IL6R: variants seen among roughly 807,000 people sequenced by gnomAD.
IL6R encodes the protein interleukin 6 receptor.
In IL6R, 38 loss-of-function variants were observed where a neutral mutation model predicts 48.3. That is an observed-to-expected ratio of 0.79 (90% CI 0.61 to 1.03). The LOEUF is 1.03. IL6R is among the 50% of genes least tolerant of loss of function. IL6R has a pLI of 0.00. For missense variants in IL6R, 534 were observed against 618.3 expected (o/e 0.86, Z 1.45); for synonymous variants, 264 against 256.2 (o/e 1.03, Z -0.29).
chr1:154,413,255 C>T (rs917246890), intron 1 of IL6R, among the ~76,000 whole-genome samples: 1 of 152,248 alleles, frequency 6.6e-6, no homozygotes, highest in East Asian at 1.9e-4. Flanking sequence ...CCACCTTGGC[C>T]TCCCAAAGTG....
chr1:154,416,156 G>A (rs1688335426), intron 1 of IL6R, among the ~76,000 whole-genome samples: 1 of 151,792 alleles, frequency 6.6e-6, no homozygotes, highest in Admixed American at 6.6e-5. Flanking sequence ...TAGAGGAAGG[G>A]TCTCACTCTG....
At chr1:154,423,644 G>A (rs888804584) in intron 1 of IL6R, among the ~76,000 whole-genome samples, 1 of 152,180 alleles carries the variant, frequency 6.6e-6, no homozygotes, top group African/African-American at 2.4e-5. Context: ...AGTTAACACA[G>A]TGTTGTTCGC....
rs1335235050 is a variant in IL6R, at chr1:154,430,519, A to G, written c.371A>G (p.Lys124Arg). 6.2e-7 allele frequency: 1 copy of G among 1,613,996 alleles called. No individual in the cohort carries two copies. The highest frequency in any genetic ancestry group is 1.3e-5 in the African/African-American group (1 of 75,016). ...GAGCCCCAGCTCTCCTGCTTCCGGA[A>G]GAGCCCCCTCAGCAATGTTGTTTGT... ...PEEPQLSCFR[K>R]SPLSNVVCEW... Residue 124 changes from lysine to arginine, a missense_variant, in exon 3 of 10, where the codon AAG becomes AGG. Transcript: ENST00000368485.
At chr1:154,449,767 T>A in intron 7 of IL6R, 144 bp from the exon 8 acceptor site, 1 of 653,606 alleles carries the variant, frequency 1.5e-6, no homozygotes, top group Non-Finnish European at 2.8e-6. Flanking sequence ...TATTATTGAT[T>A]TTTCCACTGT....
intron 9 of IL6R, among the ~76,000 whole-genome samples, chr1:154,455,932 C>CTACCA (rs1198567288): frequency 1.3e-5 from 2 of 151,932 alleles, no homozygotes; most frequent in African/African-American, 4.8e-5. Flanking sequence ...TAGTGCTTGA[C>CTACCA]TGTAATCCCA....
intron 1 of IL6R, among the ~76,000 whole-genome samples, chr1:154,424,194 G>T (rs1688847025): frequency 1.3e-5 from 2 of 152,200 alleles, no homozygotes. Context: ...TTTTGGTGCC[G>T]AGACCCTGTC....
At position 154,405,580 on chromosome 1, in the gene IL6R, T is replaced by G. The variant is rs1339656293; in HGVS notation, c.-50T>G. 7 of 1,071,796 alleles carry G rather than the reference T, an allele frequency of 6.5e-6. No homozygotes were observed. Among genetic ancestry groups the G allele is most frequent in the Non-Finnish European group, 8.5e-6 (7 of 825,688 alleles). The allele number at this position is 1,071,796 out of a possible 1,614,324, so 66.4% of individuals were successfully genotyped here. ...TGCCACCCCTGCCGCCCGGTTCCCA[T>G]TAGCCTGTCCGCCTCTGCGGGACCA... On this transcript the variant is annotated 5_prime_UTR_variant, in exon 1 of 10. Coordinates refer to ENST00000368485, the MANE Select transcript of IL6R (RefSeq NM_000565.4). This position sits in a 1 kb window ranked among gnomAD's most constrained non-coding sequence, Gnocchi z 5.2.
chr1:154,467,915 T>C lies in IL6R; in HGVS notation c.*2535T>C, dbSNP rs12566788. On this transcript the variant is annotated 3_prime_UTR_variant, in exon 10 of 10. Transcript: ENST00000368485. ...GTGCCCACAGTTCTTCAATTCTTTA[T>C]ACCGTTTTACCCACATGTGGTGTTA... 1 of 152,196 alleles carries C rather than the reference T, an allele frequency of 6.6e-6. No homozygotes were observed. The highest frequency in any genetic ancestry group is 2.1e-4 in the South Asian group (1 of 4,830). The allele number at this position is 152,196 out of a possible 1,614,324, so 9.4% of individuals were successfully genotyped here.
At chr1:154,441,654 G>A (rs751931102) in intron 6 of IL6R, among the ~76,000 whole-genome samples, 39 of 152,248 alleles carry the variant, frequency 2.6e-4, no homozygotes, top group East Asian at 7.7e-4. Flanking sequence ...TATGGACCAC[G>A]GTTATTTGGC....
chr1:154,414,892 T>C (rs1273638267), intron 1 of IL6R: 4 of 832,854 alleles, frequency 4.8e-6, no homozygotes, highest in South Asian at 4.3e-5. Context: ...GTAATCAAAG[T>C]AGCAGCATTT....
At chr1:154,448,050 T>C (rs1690374378) in intron 6 of IL6R, 75 bp from the exon 7 acceptor site, 2 of 1,226,412 alleles carry the variant, frequency 1.6e-6, no homozygotes, top group Non-Finnish European at 2.4e-6. Context: ...ACTTTTTTTT[T>C]CTGATGCTGA....
At chr1:154,429,050 G>T in intron 1 of IL6R, 146 bp from the exon 2 acceptor site, 1 of 905,570 alleles carries the variant, frequency 1.1e-6, no homozygotes, top group Non-Finnish European at 1.7e-6. Context: ...GTCACCAGGA[G>T]AATGCTGCCC....
In IL6R at chr1:154,434,938, T is replaced by G. The variant is rs1570962785; in HGVS notation, c.641-52T>G. 2.5e-6 allele frequency: 4 copies of G among 1,593,846 alleles called. No homozygotes were observed. In the East Asian group the frequency reaches 9.0e-5, roughly 36 times the overall value. ...GCTGGGATCTCAGCCTACATGGGCT[T>G]CTCTACACTATATTTGGTGCTGCAA... On this transcript the variant is annotated intron_variant, in intron 4 of 9. Coordinates refer to ENST00000368485, the MANE Select transcript of IL6R (RefSeq NM_000565.4).
At chr1:154,409,813 C>T (rs780630062) in intron 1 of IL6R, among the ~76,000 whole-genome samples, 4 of 152,072 alleles carry the variant, frequency 2.6e-5, no homozygotes, top group Admixed American at 2.0e-4. Flanking sequence ...GGTATGCTAG[C>T]GACTAGTGCT....
intron 7 of IL6R, among the ~76,000 whole-genome samples, chr1:154,448,875 C>CTTCTTTTTTTTTT (rs55844786): frequency 1.4e-5 from 1 of 73,330 alleles, no homozygotes; most frequent in Non-Finnish European, 2.7e-5. Context: ...CTTGTAAGGG[C>CTTCTTTTTTTTTT]TTTTTTTTTT....
chr1:154,426,043 C>A (rs549304170), intron 1 of IL6R, among the ~76,000 whole-genome samples: 4 of 151,324 alleles, frequency 2.6e-5, no homozygotes, highest in Non-Finnish European at 5.9e-5. Context: ...CCACTGCACT[C>A]CAGCCTGGGC....
chr1:154,418,692 A>G (rs1026556948), intron 1 of IL6R, among the ~76,000 whole-genome samples: 19 of 152,080 alleles, frequency 1.2e-4, no homozygotes, highest in African/African-American at 3.9e-4. Context: ...GGAGAAATGA[A>G]TGGGCCCAGA....
At position 154,434,510 on chromosome 1, in the gene IL6R, G is replaced by T; in HGVS notation, c.459-9G>T. On this transcript the variant is annotated splice_polypyrimidine_tract_variant and intron_variant, in intron 3 of 9. Transcript: ENST00000368485. Reference sequence around the variant, plus strand: ...CAGGCAAGCCCTGCCCTTGTTTTGTGTCTAACAGTCAGAACAGTCCGGCCG... The same window carrying T: ...CAGGCAAGCCCTGCCCTTGTTTTGTTTCTAACAGTCAGAACAGTCCGGCCG... 1.2e-6 allele frequency: 2 copies of T among 1,610,760 alleles called. No homozygotes were observed. Among genetic ancestry groups the T allele is most frequent in the Non-Finnish European group, 1.7e-6 (2 of 1,178,936 alleles).
chr1:154,429,100 C>A, intron 1 of IL6R, 96 bp from the exon 2 acceptor site: 1 of 1,367,854 alleles, frequency 7.3e-7, no homozygotes, highest in Non-Finnish European at 1.0e-6. Flanking sequence ...GCCACTTCAT[C>A]ATTATCACTG....
Sources: gnomAD v4.1 joint callset for allele counts (sites outside exome capture counted in the v4.1 genomes callset) on GRCh38, gnomAD v4.1.1 for gene constraint, Gnocchi (gnomAD v3.1) non-coding constraint, MANE v1.5 for transcripts, NCBI Gene and HGNC (gene_info 2026-07-23, HGNC 2026-07-21) for gene names.